The following ZNF429 variants were observed in gnomAD, a reference collection of about 807,000 sequenced individuals.
ZNF429 encodes the protein zinc finger protein 429.
A neutral mutation model predicts 56.8 loss-of-function variants in ZNF429; 53 were observed. The ratio of observed to expected loss-of-function variants is 0.93; its 90% confidence interval spans 0.75 to 1.17. The LOEUF is 1.17. Among genes scored for constraint, ZNF429 ranks in the 50% most tolerant of loss-of-function variants. The pLI is 0.00. For synonymous variants in ZNF429, 278 were observed against 264.7 expected, an observed-to-expected ratio of 1.05 and a Z score of -0.49; for missense variants, 849 against 788.4, an observed-to-expected ratio of 1.08 and a Z score of -0.92.
intron 3 of ZNF429, among the ~76,000 whole-genome samples, chr19:21,535,745 A>C: frequency 6.7e-6 from 1 of 148,876 alleles, no homozygotes; most frequent in African/African-American, 2.6e-5. Context: ...CGAACTCCTG[A>C]CTTTATGATC....
chr19:21,537,879 C>CT lies in ZNF429; in HGVS notation c.1827dup (p.Gln610SerfsTer3). The CT allele has an allele frequency of 6.2e-7, 1 of 1,613,936 alleles. No homozygotes were observed. Among genetic ancestry groups the CT allele is most frequent in the Non-Finnish European group, 8.5e-7 (1 of 1,179,974 alleles). Reference sequence around the variant, plus strand: ...GCTTTTAATCGGTCCTCAAGACTTACTCAACATAAGAAAATTCATACTAGA... The same window carrying CT: ...GCTTTTAATCGGTCCTCAAGACTTACTTCAACATAAGAAAATTCATACTAGA... On this transcript the variant is annotated frameshift_variant, in exon 4 of 4. Coordinates refer to ENST00000358491, the MANE Select transcript of ZNF429 (RefSeq NM_001001415.4). LOFTEE classifies it high-confidence loss of function.
At chr19:21,508,700 T>C (rs1339478760) in intron 1 of ZNF429, among the ~76,000 whole-genome samples, 4 of 6,724 alleles carry the variant, frequency 5.9e-4, no homozygotes, top group African/African-American at 5.6e-3. Flanking sequence ...TTTCTCAGGC[T>C]TTTTTTTTTT....
Position 21,535,375 on chromosome 19 carries a change from TTCTTTTTTAC to T in ZNF429, c.227-903_227-894del. Among the ~76,000 whole-genome samples the T allele has an allele frequency of 4.8e-5, 4 of 83,678 alleles. 1 individual carries two copies. Among genetic ancestry groups the T allele is most frequent in the African/African-American group, 2.3e-4 (4 of 17,742 alleles). The allele number at this position is 83,678 out of a possible 152,430, so 54.9% of individuals were successfully genotyped here. Reference sequence around the variant, plus strand: ...TTTCTTTTCTTCTTTCTTTCTTTCTTTCTTTTTTACTTTCTTTCTTTCTTTCTTTCTTTTT... The same window carrying T: ...TTTCTTTTCTTCTTTCTTTCTTTCTTTTTCTTTCTTTCTTTCTTTCTTTTT... On this transcript the variant is annotated intron_variant, in intron 3 of 3. Transcript: ENST00000358491.
At chr19:21,507,162 G>C (rs79694579) in intron 1 of ZNF429, among the ~76,000 whole-genome samples, 1,564 of 152,190 alleles carry the variant, frequency 0.01, 33 homozygotes, top group African/African-American at 0.036. Flanking sequence ...ACACAAAACT[G>C]ATCTTCCCCT....
intron 3 of ZNF429, among the ~76,000 whole-genome samples, chr19:21,531,106 C>CAAAAAAAA: frequency 5.7e-5 from 1 of 17,554 alleles, no homozygotes; most frequent in African/African-American, 3.0e-4. Context: ...AACTCCATCT[C>CAAAAAAAA]AAAAAAAAAA....
intron 1 of ZNF429, among the ~76,000 whole-genome samples, chr19:21,528,618 T>G (rs1262350651): frequency 6.6e-6 from 1 of 151,828 alleles, no homozygotes; most frequent in East Asian, 1.9e-4. Flanking sequence ...GGCAGGAGAA[T>G]CGCTTGAACC....
At chr19:21,535,418 T>C in intron 3 of ZNF429, among the ~76,000 whole-genome samples, 1 of 3,654 alleles carries the variant, frequency 2.7e-4, no homozygotes, top group Non-Finnish European at 5.7e-4. Flanking sequence ...TTTCTTTTCT[T>C]TCTTTCTTTC....
rs764299781 is a variant in ZNF429, at chr19:21,536,421, G to A, written c.368G>A (p.Cys123Tyr). Residue 123 changes from cysteine to tyrosine, a missense_variant, in exon 4 of 4, where the codon TGT becomes TAT. Cys to Tyr is a radical substitution (Grantham distance 194, BLOSUM62 -2). Coordinates refer to ENST00000358491, the MANE Select transcript of ZNF429 (RefSeq NM_001001415.4). ...AAAGGCTATAAAACTGTAGGTGATT[G>A]TAAGCTATACAAAGGAGGTTATAAT... ...LRKGYKTVGD[C>Y]KLYKGGYNGL... The A allele has an allele frequency of 2.5e-6, 4 of 1,613,886 alleles. No homozygotes were observed. The highest frequency in any genetic ancestry group is 3.4e-6 in the Non-Finnish European group (4 of 1,179,904).
chr19:21,519,990 G>T (rs2032930613), intron 1 of ZNF429, among the ~76,000 whole-genome samples: 1 of 151,836 alleles, frequency 6.6e-6, no homozygotes, highest in African/African-American at 2.4e-5. Context: ...TGAGTAACTG[G>T]GATTACAGGC....
intron 1 of ZNF429, among the ~76,000 whole-genome samples, chr19:21,511,985 G>T (rs934123358): frequency 1.3e-5 from 2 of 152,204 alleles, no homozygotes; most frequent in African/African-American, 4.8e-5. Flanking sequence ...GCTGAGGCAG[G>T]AGAATCAGGC....
chr19:21,523,743 C>A (rs2145448615), intron 1 of ZNF429, among the ~76,000 whole-genome samples: 1 of 152,324 alleles, frequency 6.6e-6, no homozygotes, highest in African/African-American at 2.4e-5. Context: ...GTTTACAATC[C>A]TCAAGCTTGG....
intron 1 of ZNF429, among the ~76,000 whole-genome samples, chr19:21,506,849 A>C (rs1599424687): frequency 7.4e-6 from 1 of 135,594 alleles, no homozygotes; most frequent in East Asian, 2.1e-4. Context: ...GGCTCACTGC[A>C]CCTTCCGCCT....
chr19:21,510,838 CTTAATCCA>C (rs1371217404), intron 1 of ZNF429, among the ~76,000 whole-genome samples: 2 of 152,092 alleles, frequency 1.3e-5, no homozygotes, highest in African/African-American at 4.8e-5. Flanking sequence ...TTGCACCGCC[CTTAATCCA>C]TTTTACCCTG....
chr19:21,535,401 C>CT, intron 3 of ZNF429, among the ~76,000 whole-genome samples: 8 of 26,418 alleles, frequency 3.0e-4, no homozygotes, highest in African/African-American at 8.1e-4. Context: ...TTCTTTCTTT[C>CT]TTTCTTTTTC....
At chr19:21,523,625 A>T (rs538682167) in intron 1 of ZNF429, among the ~76,000 whole-genome samples, 1 of 152,226 alleles carries the variant, frequency 6.6e-6, no homozygotes, top group African/African-American at 2.4e-5. Flanking sequence ...CTCACAGACA[A>T]CCTTTTATCA....
rs1375708893 is a variant in ZNF429 at position 21,537,581 on chromosome 19, A to G, written c.1528A>G (p.Lys510Glu). 1 of 1,613,764 alleles carries G rather than the reference A, an allele frequency of 6.2e-7. No homozygotes were observed. The highest frequency in any genetic ancestry group is 2.2e-5 in the East Asian group (1 of 44,856). Residue 510 changes from lysine to glutamate, a missense_variant, in exon 4 of 4, where the codon AAA (lysine) becomes GAA (glutamate). Lys to Glu is a moderately conservative substitution (Grantham distance 56). Transcript: ENST00000358491. ...AATTCATAGTGGAGAGAAACCCTAC[A>G]AATGTGAAGAATGTGGCAAAGCTTT... ...KKIHSGEKPY[K>E]CEECGKAFIL... is the part of the protein sequence containing the mutation.
intron 1 of ZNF429, among the ~76,000 whole-genome samples, chr19:21,507,226 A>G (rs2032220860): frequency 1.3e-5 from 2 of 152,094 alleles, no homozygotes; most frequent in Admixed American, 1.3e-4. Flanking sequence ...CACGCCCCCC[A>G]TTCCTCCAGC....
Position 21,511,365 on chromosome 19 carries a change from C to T in ZNF429, c.3+5591C>T, listed in dbSNP as rs577890762. Among the ~76,000 whole-genome samples, 394 of 148,808 alleles carry T rather than the reference C, an allele frequency of 2.6e-3. 2 individuals carry two copies. The highest frequency in any genetic ancestry group is 0.019 in the Middle Eastern group (5 of 260). The stretch of plus-strand genomic sequence containing the variant: ...GGGTCTCCTCACTTCTCAGACTGGG[C>T]GGCCGGGCAGAGACGCTCCTCACCT... On this transcript the variant is annotated intron_variant, in intron 1 of 3. Transcript: ENST00000358491.
intron 1 of ZNF429, among the ~76,000 whole-genome samples, chr19:21,524,699 C>G (rs2033102670): frequency 6.6e-6 from 1 of 152,080 alleles, no homozygotes; most frequent in African/African-American, 2.4e-5. Flanking sequence ...GGGCCATCAG[C>G]ACAGGGTCAC....
Sources: gnomAD v4.1 joint callset for allele counts (sites outside exome capture counted in the v4.1 genomes callset) on GRCh38, gnomAD v4.1.1 for gene constraint, MANE v1.5 for transcripts, NCBI Gene and HGNC (gene_info 2026-07-23, HGNC 2026-07-21) for gene names.